GDPD4: variants seen among roughly 807,000 people sequenced by gnomAD.
GDPD4 encodes the protein glycerophosphodiester phosphodiesterase domain containing 4, also known as glycerophosphodiester phosphodiesterase 6.
Under a neutral mutation model 67.8 loss-of-function variants are expected in GDPD4, and 60 were observed. That is an observed-to-expected ratio of 0.88 (90% confidence interval 0.72 to 1.10). GDPD4 has a LOEUF of 1.10. Ranked by LOEUF, GDPD4 falls within the 50% of genes least tolerant of loss-of-function variation. The pLI is 0.00. For missense variants in GDPD4, 623 were observed against 613.9 expected (o/e 1.01, Z -0.16); for synonymous variants, 212 against 210.9 (o/e 1.00, Z -0.04).
intron 1 of GDPD4, among the ~76,000 whole-genome samples, chr11:77,294,960 CTTTTTT>C (rs144796072): frequency 1.5e-5 from 1 of 66,384 alleles, no homozygotes; most frequent in Non-Finnish European, 2.7e-5. Context: ...TACAACTTTG[CTTTTTT>C]TTTTTTTTTT....
At chr11:77,249,036 G>T in intron 11 of GDPD4, among the ~76,000 whole-genome samples, 1 of 151,798 alleles carries the variant, frequency 6.6e-6, no homozygotes, top group East Asian at 1.9e-4. Context: ...GGAGGCCAAG[G>T]CTGGCAGATC....
rs1461296771 is a variant in GDPD4, at chr11:77,287,273, A to T, written c.-106T>A. On this transcript the variant is annotated 5_prime_UTR_variant, in exon 2 of 17. Transcript: ENST00000315938. ...TTTTTCCCATTGTCTGAATTTCCAG[A>T]GGCAACTATAGCAGCCAGTAAGGAA... 1 of 152,226 alleles carries T rather than the reference A, an allele frequency of 6.6e-6. No individual in the cohort carries two copies. Among genetic ancestry groups the T allele is most frequent in the Non-Finnish European group, 1.5e-5 (1 of 68,038 alleles). The allele number at this position is 152,226 out of a possible 1,614,324, so 9.4% of individuals were successfully genotyped here.
intron 11 of GDPD4, among the ~76,000 whole-genome samples, chr11:77,255,546 A>G (rs1489837373): frequency 1.3e-5 from 2 of 152,170 alleles, no homozygotes; most frequent in Non-Finnish European, 2.9e-5. Context: ...CCTGGGTGAC[A>G]GTGAAACTCC....
At chr11:77,284,462 A>G (rs560669835) in intron 3 of GDPD4, among the ~76,000 whole-genome samples, 4 of 152,224 alleles carry the variant, frequency 2.6e-5, no homozygotes, top group Non-Finnish European at 5.9e-5. Context: ...TCTACAAAGA[A>G]AACAACAACT....
chr11:77,268,469 T>C lies in GDPD4; in HGVS notation c.695A>G (p.Asp232Gly). Residue 232 changes from aspartate (D) to glycine (G), a missense_variant, in exon 10 of 17, where the codon GAT becomes GGT. Coordinates refer to ENST00000315938, the MANE Select transcript of GDPD4 (RefSeq NM_182833.3). ...VEHGAHGLET[D>G]IHLSYDHVPF... ...CCTGCTTTCTTACCTTAAGTGTATA[T>C]CAGTCTCCAATCCATGGGCTCCATG... is the stretch of plus-strand genomic sequence containing the variant. 1 of 1,610,490 alleles carries C rather than the reference T, an allele frequency of 6.2e-7. No homozygotes were observed. The highest frequency in any genetic ancestry group is 8.5e-7 in the Non-Finnish European group (1 of 1,176,852).
At chr11:77,282,686 CAAA>C (rs967593020) in intron 3 of GDPD4, among the ~76,000 whole-genome samples, 3 of 140,746 alleles carry the variant, frequency 2.1e-5, no homozygotes, top group South Asian at 2.3e-4. Flanking sequence ...GACCCTGCCT[CAAA>C]AAAAAACAAC....
chr11:77,233,446 GAAAAAAA>G (rs34507126), intron 13 of GDPD4, among the ~76,000 whole-genome samples: 82 of 100,398 alleles, frequency 8.2e-4, no homozygotes, highest in Non-Finnish European at 1.3e-3. Context: ...AAAACATATT[GAAAAAAA>G]AAAAAAAAAA....
chr11:77,229,938 G>A (rs924976204), intron 14 of GDPD4, among the ~76,000 whole-genome samples: 1 of 152,058 alleles, frequency 6.6e-6, no homozygotes, highest in Non-Finnish European at 1.5e-5. Context: ...TCCACTTGAT[G>A]CTAATAGGGC....
At position 77,260,177 on chromosome 11, in the gene GDPD4, C is replaced by A. The variant is rs543604462; in HGVS notation, c.708-1635G>T. On this transcript the variant is annotated intron_variant, in intron 10 of 16. Coordinates refer to ENST00000315938, the MANE Select transcript of GDPD4 (RefSeq NM_182833.3). ...CAAAAATTAGCCAGGCATGGTGGTA[C>A]ACGCCTGTAGTCCCAGCTACTCAAG... Among the ~76,000 whole-genome samples, 4 of 152,162 alleles carry A rather than the reference C, an allele frequency of 2.6e-5. No individual in the cohort carries two copies. The South Asian group carries it at 8.3e-4, about 32-fold the overall frequency.
rs34716355 is a variant in GDPD4 at position 77,243,517 on chromosome 11, CAGGGAGGGAGGG to C, written c.1241+165_1241+176del. On this transcript the variant is annotated intron_variant, in intron 13 of 16. Transcript: ENST00000315938. ...AACACTTGATAAATGTTTGTTGGCA[CAGGGAGGGAGGG>C]AGGGAGGGAGGGAGGAAGGGGTAGG... Among the ~76,000 whole-genome samples, 9 of 105,956 alleles carry C rather than the reference CAGGGAGGGAGGG, an allele frequency of 8.5e-5. No homozygotes were observed. The South Asian group carries it at 1.3e-3, about 15-fold the overall frequency. 69.5% of individuals were successfully genotyped at this position (105,956 alleles called of 152,430 possible).
At chr11:77,229,620 A>G (rs894919021) in intron 14 of GDPD4, among the ~76,000 whole-genome samples, 3 of 152,188 alleles carry the variant, frequency 2.0e-5, no homozygotes, top group Non-Finnish European at 4.4e-5. Flanking sequence ...TGTGCAGCCA[A>G]GTCTCCCGGG....
intron 12 of GDPD4, among the ~76,000 whole-genome samples, chr11:77,244,720 A>T (rs1958747651): frequency 6.6e-6 from 1 of 152,128 alleles, no homozygotes; most frequent in Non-Finnish European, 1.5e-5. Flanking sequence ...TTTCCTGCCA[A>T]CAGAGATGCT....
chr11:77,218,008 G>GT (rs58709754), intron 16 of GDPD4, among the ~76,000 whole-genome samples: 1 of 151,064 alleles, frequency 6.6e-6, no homozygotes, highest in Non-Finnish European at 1.5e-5. Context: ...ATTTTTAAAA[G>GT]TTTTTTAGTT....
chr11:77,243,913 G>C (rs567168032), intron 12 of GDPD4, 65 bp from the exon 13 acceptor site: 56 of 1,104,248 alleles, frequency 5.1e-5, no homozygotes, highest in Non-Finnish European at 7.3e-5. Context: ...CAGCCCCATA[G>C]AGAATGGAGG....
chr11:77,220,283 G>T (rs1347969770), intron 16 of GDPD4, among the ~76,000 whole-genome samples: 2 of 152,174 alleles, frequency 1.3e-5, no homozygotes, highest in African/African-American at 4.8e-5. Flanking sequence ...CCTGTCTTGT[G>T]CCAGTTTTCA....
chr11:77,270,218 G>T (rs1959202888), intron 7 of GDPD4, among the ~76,000 whole-genome samples: 1 of 152,186 alleles, frequency 6.6e-6, no homozygotes, highest in Admixed American at 6.5e-5. Flanking sequence ...AGTGGTGAAA[G>T]ATACTTCCAT....
intron 1 of GDPD4, among the ~76,000 whole-genome samples, chr11:77,296,725 A>C (rs1422136168): frequency 6.6e-6 from 1 of 152,104 alleles, no homozygotes; most frequent in African/African-American, 2.4e-5. Flanking sequence ...GTAAATTACT[A>C]ATTTTAGGTG....
At chr11:77,283,801 A>G (rs1439249693) in intron 3 of GDPD4, among the ~76,000 whole-genome samples, 2 of 152,050 alleles carry the variant, frequency 1.3e-5, no homozygotes, top group Non-Finnish European at 2.9e-5. Context: ...TGTTTTAAAT[A>G]GAAATTGCTA....
intron 10 of GDPD4, among the ~76,000 whole-genome samples, chr11:77,262,854 C>CAATAAAACAAAAAAAAAAAAAAAAAAAAA (rs1959146223): frequency 1.5e-5 from 1 of 67,004 alleles, no homozygotes; most frequent in Non-Finnish European, 2.5e-5. Flanking sequence ...TTCTCTGCTG[C>CAATAAAACAAAAAAAAAAAAAAAAAAAAA]AAAAAAAAAA....
Sources: allele counts gnomAD v4.1 joint callset (sites outside exome capture counted in the v4.1 genomes callset), GRCh38; gene constraint gnomAD v4.1.1; transcripts MANE v1.5; gene names NCBI Gene and HGNC (gene_info 2026-07-23, HGNC 2026-07-21).